ACBD6: variants seen among roughly 807,000 people sequenced by gnomAD.
ACBD6 encodes acyl-CoA binding domain containing 6, also known as acyl-CoA-binding domain-containing protein 6.
ACBD6 carries 28 observed loss-of-function variants against 37.2 expected under a neutral mutation model. The observed-to-expected ratio is 0.75, with a 90% CI of 0.56 to 1.03. The LOEUF is 1.03. Ranked by LOEUF, ACBD6 falls within the 50% of genes least tolerant of loss-of-function variation. The probability of loss-of-function intolerance (pLI) is 0.00; values close to 1 mark genes in which losing one functional copy is unlikely to be tolerated. For synonymous variants in ACBD6, 113 were observed against 126.8 expected (o/e 0.89, Z 0.73); for missense variants, 340 against 337.4 (o/e 1.01, Z -0.06).
chr1:180,302,894 T>C (rs1650187875), intron 7 of ACBD6, among the ~76,000 whole-genome samples: 1 of 148,790 alleles, frequency 6.7e-6, no homozygotes, highest in African/African-American at 2.5e-5. Context: ...ACAGAAATTA[T>C]AACAAACTGT....
chr1:180,436,026 C>T (rs903673642), intron 3 of ACBD6: 4 of 712,730 alleles, frequency 5.6e-6, no homozygotes, highest in African/African-American at 1.8e-5. Context: ...TAATGTTGTA[C>T]GTCTGGAATG....
At chr1:180,409,335 A>G (rs1198175514) in intron 5 of ACBD6, among the ~76,000 whole-genome samples, 1 of 152,210 alleles carries the variant, frequency 6.6e-6, no homozygotes, top group African/African-American at 2.4e-5. Context: ...AATCAAGGGA[A>G]GCAATCATGC....
At chr1:180,442,998 C>CA (rs1417153729) in intron 3 of ACBD6, among the ~76,000 whole-genome samples, 1 of 108,098 alleles carries the variant, frequency 9.3e-6, no homozygotes, top group East Asian at 2.9e-4. Flanking sequence ...CCTGCCCCCA[C>CA]TTTTTTTTTT....
intron 3 of ACBD6, among the ~76,000 whole-genome samples, chr1:180,491,310 CTCTA>C (rs1651495153): frequency 6.6e-6 from 1 of 152,042 alleles, no homozygotes; most frequent in South Asian, 2.1e-4. Flanking sequence ...ACAATGCAAC[CTCTA>C]TCTCACTGAA....
intron 6 of ACBD6, among the ~76,000 whole-genome samples, chr1:180,334,403 A>T (rs1212924037): frequency 6.6e-6 from 1 of 152,198 alleles, no homozygotes; most frequent in Non-Finnish European, 1.5e-5. Flanking sequence ...CCAGGCAAAC[A>T]GGGTCTGGAG....
chr1:180,389,809 AGT>A (rs879782794), intron 6 of ACBD6, among the ~76,000 whole-genome samples: 1 of 152,154 alleles, frequency 6.6e-6, no homozygotes, highest in Non-Finnish European at 1.5e-5. Flanking sequence ...TCTTTTGAGA[AGT>A]GTCTGTTCAT....
At chr1:180,490,500 G>A (rs1311073556) in intron 3 of ACBD6, among the ~76,000 whole-genome samples, 2 of 150,932 alleles carry the variant, frequency 1.3e-5, no homozygotes, top group Non-Finnish European at 2.9e-5. Context: ...AAGAGGCCAG[G>A]CGCAGTGGCT....
chr1:180,366,225 G>C (rs1292024800), intron 6 of ACBD6, among the ~76,000 whole-genome samples: 3 of 152,134 alleles, frequency 2.0e-5, no homozygotes, highest in African/African-American at 7.2e-5. Context: ...ATTCAATGAG[G>C]AAGAATTGCC....
chr1:180,318,079 T>G (rs373658636), intron 6 of ACBD6, among the ~76,000 whole-genome samples: 1 of 149,908 alleles, frequency 6.7e-6, no homozygotes, highest in Non-Finnish European at 1.5e-5. Context: ...TCGGGATTGC[T>G]TGAACCCAGG....
rs557927773 is a variant in ACBD6 at position 180,437,712 on chromosome 1, A to G, written c.385-7450T>C. On this transcript the variant is annotated intron_variant, in intron 3 of 7. Transcript: ENST00000367595. ...TCTGACAGAGACAGACAATAAATGA[A>G]TAAGTTTTCCAATATTAAAACCTAA... is the stretch of plus-strand genomic sequence containing the variant. 3.2e-4 allele frequency among the ~76,000 whole-genome samples: 49 copies of G among 152,330 alleles called. No individual in the cohort carries two copies. In the South Asian group the frequency reaches 8.9e-3, roughly 28 times the overall value.
chr1:180,449,906 T>TA (rs113535374), intron 3 of ACBD6, among the ~76,000 whole-genome samples: 1,380 of 129,130 alleles, frequency 0.011, 7 homozygotes, highest in African/African-American at 0.02. Context: ...GAACTTAAAT[T>TA]AAAAAAAAAA....
intron 3 of ACBD6, among the ~76,000 whole-genome samples, chr1:180,456,307 CTT>C (rs1292923860): frequency 6.6e-6 from 1 of 152,012 alleles, no homozygotes; most frequent in Non-Finnish European, 1.5e-5. Context: ...CAAAAACTCT[CTT>C]TTCATTTTCT....
chr1:180,366,327 G>C (rs545874128), intron 6 of ACBD6, among the ~76,000 whole-genome samples: 2 of 152,256 alleles, frequency 1.3e-5, no homozygotes, highest in South Asian at 4.1e-4. Flanking sequence ...TTCAGTTGTA[G>C]GTAGCTTAGA....
At chr1:180,354,776 C>A (rs189922351) in intron 6 of ACBD6, among the ~76,000 whole-genome samples, 1 of 152,292 alleles carries the variant, frequency 6.6e-6, no homozygotes, top group Admixed American at 6.5e-5. Context: ...CCTCTATCTA[C>A]CAGCCCTTCT....
chr1:180,426,206 A>G (rs1648575457), intron 4 of ACBD6, among the ~76,000 whole-genome samples: 1 of 152,244 alleles, frequency 6.6e-6, no homozygotes, highest in Non-Finnish European at 1.5e-5. Context: ...CTGTGTAAGC[A>G]GAATTAATAA....
chr1:180,401,581 C>T (rs950332223), intron 5 of ACBD6, among the ~76,000 whole-genome samples: 4 of 151,682 alleles, frequency 2.6e-5, no homozygotes, highest in Non-Finnish European at 4.4e-5. Context: ...GTGAGGAGTT[C>T]GCAACAAGCC....
At chr1:180,309,095 T>C (rs180899643) in intron 7 of ACBD6, among the ~76,000 whole-genome samples, 225 of 152,310 alleles carry the variant, frequency 1.5e-3, no homozygotes, top group African/African-American at 5.3e-3. Context: ...TCCTCTTCCC[T>C]AAGGCAATTA....
At chr1:180,393,484 A>G (rs924814290) in intron 6 of ACBD6, among the ~76,000 whole-genome samples, 2 of 152,238 alleles carry the variant, frequency 1.3e-5, no homozygotes, top group Non-Finnish European at 2.9e-5. Flanking sequence ...TCTGTGGCCA[A>G]GCAAATACTT....
intron 3 of ACBD6, among the ~76,000 whole-genome samples, chr1:180,467,472 A>AAAAAAAAAAAC (rs370655998): frequency 5.2e-5 from 6 of 114,540 alleles, no homozygotes; most frequent in African/African-American, 1.1e-4. Flanking sequence ...AAAAAAAAAA[A>AAAAAAAAAAAC]CAAAAACAAA....
Sources: allele counts gnomAD v4.1 joint callset (sites outside exome capture counted in the v4.1 genomes callset), GRCh38; gene constraint gnomAD v4.1.1; transcripts MANE v1.5; gene names NCBI Gene and HGNC (gene_info 2026-07-23, HGNC 2026-07-21).